Variants in DYSF observed in about 807,000 individuals in gnomAD.
The protein encoded by DYSF is dysferlin, also known as dystrophy-associated fer-1-like 1.
Under a neutral mutation model 274.9 loss-of-function variants are expected in DYSF, and 212 were observed. The ratio of observed to expected loss-of-function variants is 0.77; its 90% CI spans 0.69 to 0.86. The LOEUF (loss-of-function observed/expected upper bound fraction) is 0.86, where lower values mean the gene tolerates loss of function less well. Ranked by LOEUF, DYSF falls within the 40% of genes least tolerant of loss-of-function variation. DYSF has a pLI of 0.00. For missense variants in DYSF, 2,666 were observed against 2,783.2 expected (o/e 0.96, Z 0.95); for synonymous variants, 1,091 against 1,078.7 (o/e 1.01, Z -0.22).
At chr2:71,543,002 G>A (rs2090074328) in intron 17 of DYSF, among the ~76,000 whole-genome samples, 1 of 150,016 alleles carries the variant, frequency 6.7e-6, no homozygotes, top group African/African-American at 2.5e-5. Context: ...GACGGGGGCT[G>A]CCCCCCACCT....
At chr2:71,591,042 C>A (rs751379370) in intron 32 of DYSF, among the ~76,000 whole-genome samples, 3 of 152,246 alleles carry the variant, frequency 2.0e-5, no homozygotes, top group Non-Finnish European at 4.4e-5. Context: ...CAACTCAGCA[C>A]AGCAGACAAG....
intron 36 of DYSF, among the ~76,000 whole-genome samples, chr2:71,604,702 T>G (rs2093615839): frequency 6.6e-6 from 1 of 152,182 alleles, no homozygotes; most frequent in Non-Finnish European, 1.5e-5. Context: ...TATCCTCTCT[T>G]GTGGGAAGTG....
intron 36 of DYSF, among the ~76,000 whole-genome samples, chr2:71,603,491 A>G (rs1167385765): frequency 6.6e-6 from 1 of 152,158 alleles, no homozygotes; most frequent in Admixed American, 6.5e-5. Flanking sequence ...CGTTGGGAAA[A>G]GGGCAGCCAC....
At chr2:71,514,007 A>G (rs2086383092) in intron 7 of DYSF, 86 bp downstream of exon 7, 2 of 1,508,798 alleles carry the variant, frequency 1.3e-6, no homozygotes, top group Non-Finnish European at 9.1e-7. Flanking sequence ...GTCCAGCTTC[A>G]GGGGAAGATG....
At chr2:71,491,494 A>T (rs2083851619) in intron 3 of DYSF, among the ~76,000 whole-genome samples, 1 of 152,148 alleles carries the variant, frequency 6.6e-6, no homozygotes, top group Non-Finnish European at 1.5e-5. Flanking sequence ...AGTTTGTTGT[A>T]CAGATTATTT....
chr2:71,497,522 A>T (rs868050490), intron 3 of DYSF, among the ~76,000 whole-genome samples: 1 of 152,156 alleles, frequency 6.6e-6, no homozygotes, highest in South Asian at 2.1e-4. Flanking sequence ...TTCCCCCATG[A>T]TTGTAAGTTT....
intron 40 of DYSF, among the ~76,000 whole-genome samples, chr2:71,616,993 A>G (rs2093899465): frequency 6.6e-6 from 1 of 152,176 alleles, no homozygotes; most frequent in Non-Finnish European, 1.5e-5. Flanking sequence ...AGGAACACAC[A>G]GAGAGCCTGC....
intron 48 of DYSF, 28 bp from the exon 49 acceptor site, chr2:71,668,726 G>A: frequency 6.2e-7 from 1 of 1,606,790 alleles, no homozygotes; most frequent in Non-Finnish European, 8.5e-7. Context: ...TGAGAAGGGT[G>A]GGGAGAGAAC....
chr2:71,617,738 G>A (rs1357457000), intron 40 of DYSF, among the ~76,000 whole-genome samples: 2 of 148,020 alleles, frequency 1.4e-5, no homozygotes, highest in Admixed American at 1.3e-4. Context: ...TAGAGGTGGT[G>A]TGTGTGTATG....
chr2:71,475,979 C>T (rs1434636212), intron 1 of DYSF, among the ~76,000 whole-genome samples: 1 of 151,960 alleles, frequency 6.6e-6, no homozygotes, highest in East Asian at 1.9e-4. Context: ...ACTATATTGC[C>T]CAGGTTAGTC....
At chr2:71,468,301 G>A (rs1468190257) in intron 1 of DYSF, among the ~76,000 whole-genome samples, 1 of 152,186 alleles carries the variant, frequency 6.6e-6, no homozygotes, top group Non-Finnish European at 1.5e-5. Flanking sequence ...ACTCGTTTGG[G>A]TCTGCTCACA....
intron 52 of DYSF, among the ~76,000 whole-genome samples, chr2:71,676,295 T>C (rs1217796724): frequency 6.6e-6 from 1 of 152,118 alleles, no homozygotes; most frequent in East Asian, 1.9e-4. Flanking sequence ...GGGTGCCATT[T>C]TCCCTAAACT....
chr2:71,512,593 G>C (rs1334538890), intron 5 of DYSF, among the ~76,000 whole-genome samples: 2 of 152,208 alleles, frequency 1.3e-5, no homozygotes, highest in Non-Finnish European at 2.9e-5. Context: ...CTCTCCACTG[G>C]TGGGCCTGGG....
At chr2:71,625,009 C>T (rs942101772) in intron 41 of DYSF, among the ~76,000 whole-genome samples, 9 of 152,144 alleles carry the variant, frequency 5.9e-5, no homozygotes, top group African/African-American at 2.2e-4. Flanking sequence ...CATCTTCATT[C>T]TTAATTTTAT....
upstream of DYSF, among the ~76,000 whole-genome samples, chr2:71,465,631 C>G (rs561348649): frequency 1.4e-3 from 213 of 152,230 alleles, no homozygotes; most frequent in African/African-American, 5.0e-3. Flanking sequence ...TGTGAGAATG[C>G]TGTATCCCTC....
At chr2:71,597,932 G>A (rs1052622804) in intron 32 of DYSF, among the ~76,000 whole-genome samples, 1 of 152,140 alleles carries the variant, frequency 6.6e-6, no homozygotes, top group African/African-American at 2.4e-5. Flanking sequence ...CCATGTGGCA[G>A]CCAGAGTGAG....
intron 45 of DYSF, among the ~76,000 whole-genome samples, chr2:71,662,549 G>A (rs1394904181): frequency 1.3e-5 from 2 of 151,750 alleles, no homozygotes; most frequent in Non-Finnish European, 1.5e-5. Flanking sequence ...TGTGGTGTGT[G>A]TATATATGTG....
chr2:71,508,348 G>A (rs1468311464), intron 4 of DYSF, among the ~76,000 whole-genome samples: 9 of 152,088 alleles, frequency 5.9e-5, no homozygotes, highest in Admixed American at 5.2e-4. Context: ...CAGCACTCTC[G>A]TCTAATCCCC....
chr2:71,511,723 G>C, intron 4 of DYSF, 84 bp from the exon 5 acceptor site: 2 of 895,016 alleles, frequency 2.2e-6, no homozygotes, highest in Non-Finnish European at 3.6e-6. Context: ...CTTGGTGGAG[G>C]GATGCCAGAA....
Sources: allele counts gnomAD v4.1 joint callset (sites outside exome capture counted in the v4.1 genomes callset), GRCh38; gene constraint gnomAD v4.1.1; transcripts MANE v1.5; gene names NCBI Gene and HGNC (gene_info 2026-07-23, HGNC 2026-07-21).